OLA1: variants seen among roughly 807,000 people sequenced by gnomAD.
OLA1 encodes the protein Obg like ATPase 1, also known as obg-like ATPase 1.
Under a neutral mutation model 48.4 loss-of-function variants are expected in OLA1, and 14 were observed. The ratio of observed to expected loss-of-function variants is 0.29; its 90% CI spans 0.19 to 0.45. The LOEUF (loss-of-function observed/expected upper bound fraction) is 0.45, where lower values mean the gene tolerates loss of function less well. Ranked by LOEUF, OLA1 falls within the 20% of genes least tolerant of loss-of-function variation. The pLI, the probability that OLA1 is intolerant of heterozygous loss-of-function variation, is 1.00. For synonymous variants in OLA1, 127 were observed against 150.4 expected (o/e 0.84, Z 1.14); for missense variants, 325 against 467.1 (o/e 0.70, Z 2.80).
chr2:174,132,407 TC>T (rs1686204840), intron 5 of OLA1, among the ~76,000 whole-genome samples: 2 of 152,262 alleles, frequency 1.3e-5, no homozygotes, highest in Non-Finnish European at 2.9e-5. Flanking sequence ...CTTTTATTGT[TC>T]TTTTTCTAAC....
At chr2:174,171,591 C>T (rs1244612654) in intron 4 of OLA1, among the ~76,000 whole-genome samples, 1 of 152,106 alleles carries the variant, frequency 6.6e-6, no homozygotes, top group African/African-American at 2.4e-5. Context: ...AACCTATCAA[C>T]GTATGTGGGA....
At chr2:174,092,160 AAAAGG>A (rs1198041156) in intron 7 of OLA1, among the ~76,000 whole-genome samples, 1 of 151,506 alleles carries the variant, frequency 6.6e-6, no homozygotes, top group African/African-American at 2.4e-5. Context: ...AAGAAAAGAA[AAAAGG>A]AAAGGAGAGG....
intron 4 of OLA1, among the ~76,000 whole-genome samples, chr2:174,211,532 TATC>T (rs1688243797): frequency 6.6e-6 from 1 of 152,216 alleles, no homozygotes; most frequent in Non-Finnish European, 1.5e-5. Context: ...CATTTGTACA[TATC>T]ATATCCAAAA....
intron 4 of OLA1, among the ~76,000 whole-genome samples, chr2:174,214,243 G>T (rs1027987850): frequency 3.3e-5 from 5 of 152,146 alleles, no homozygotes; most frequent in African/African-American, 1.2e-4. Context: ...TAAGGCATGA[G>T]AATAGCTTGA....
chr2:174,168,097 C>T (rs547723959), intron 4 of OLA1, among the ~76,000 whole-genome samples: 3 of 152,300 alleles, frequency 2.0e-5, no homozygotes, highest in South Asian at 2.1e-4. Context: ...GCTTTTAGCT[C>T]GCAACCAAGT....
chr2:174,163,340 T>C (rs916877169), intron 4 of OLA1, among the ~76,000 whole-genome samples: 1 of 152,070 alleles, frequency 6.6e-6, no homozygotes, highest in Admixed American at 6.6e-5. Flanking sequence ...AAAAGACTGA[T>C]AGAACTTGAT....
chr2:174,081,811 C>A, intron 8 of OLA1, 113 bp downstream of exon 8: 1 of 1,018,606 alleles, frequency 9.8e-7, no homozygotes, highest in Non-Finnish European at 1.4e-6. Context: ...GAGAAGATTC[C>A]CTCTTTATAA....
intron 4 of OLA1, among the ~76,000 whole-genome samples, chr2:174,202,166 T>C (rs1226093570): frequency 2.6e-5 from 4 of 152,162 alleles, no homozygotes; most frequent in African/African-American, 9.6e-5. Flanking sequence ...ATAAAATATA[T>C]ATAAATTATA....
intron 2 of OLA1, among the ~76,000 whole-genome samples, chr2:174,244,163 G>A (rs1163303540): frequency 6.6e-6 from 1 of 152,098 alleles, no homozygotes; most frequent in Non-Finnish European, 1.5e-5. Context: ...TCTTTTTCCT[G>A]CTGAAAACAG....
At chr2:174,087,054 G>A (rs913030821) in intron 7 of OLA1, among the ~76,000 whole-genome samples, 1 of 147,306 alleles carries the variant, frequency 6.8e-6, no homozygotes, top group Non-Finnish European at 1.5e-5. Context: ...TTGAGACAAA[G>A]TCTCGCTCTG....
chr2:174,085,672 T>C (rs1684959197), intron 7 of OLA1, among the ~76,000 whole-genome samples: 1 of 152,334 alleles, frequency 6.6e-6, no homozygotes, highest in African/African-American at 2.4e-5. Flanking sequence ...TCTGACTTTC[T>C]TAGCCAGCCT....
chr2:174,185,514 AT>A (rs920822292), intron 4 of OLA1, among the ~76,000 whole-genome samples: 10 of 151,332 alleles, frequency 6.6e-5, no homozygotes, highest in East Asian at 1.9e-4. Flanking sequence ...TCCTATGAGC[AT>A]TTTTTTTTAT....
Position 174,073,514 on chromosome 2 carries a change from A to G in OLA1, c.*1912T>C, listed in dbSNP as rs1684654608. On this transcript the variant is annotated 3_prime_UTR_variant, in exon 11 of 11. Transcript: ENST00000284719. ...GTATATGTACATACAATGTTGTAGA[A>G]CTTCTAACCAAATTAAACATTTTTA... is the stretch of plus-strand genomic sequence containing the variant. 1 of 152,222 alleles carries G rather than the reference A, an allele frequency of 6.6e-6. No individual in the cohort carries two copies. The highest frequency in any genetic ancestry group is 1.5e-5 in the Non-Finnish European group (1 of 68,038). The allele number at this position is 152,222 out of a possible 1,614,324, so 9.4% of individuals were successfully genotyped here. A position where few individuals can be genotyped will look rare whatever the true frequency, so the allele number is the denominator to read the frequency against.
At chr2:174,216,650 T>A (rs1262906644) in intron 4 of OLA1, among the ~76,000 whole-genome samples, 1 of 152,090 alleles carries the variant, frequency 6.6e-6, no homozygotes, top group Non-Finnish European at 1.5e-5. Flanking sequence ...ACTCTTGGGC[T>A]CAAGCAATCC....
chr2:174,098,265 T>G (rs1306208682), intron 7 of OLA1, among the ~76,000 whole-genome samples: 1 of 152,242 alleles, frequency 6.6e-6, no homozygotes, highest in African/African-American at 2.4e-5. Flanking sequence ...GCAGTACGCA[T>G]GCAACCTGTG....
intron 4 of OLA1, among the ~76,000 whole-genome samples, chr2:174,168,215 G>A (rs1390794584): frequency 2.6e-5 from 4 of 152,164 alleles, no homozygotes; most frequent in Non-Finnish European, 5.9e-5. Context: ...AAAGGGAAGA[G>A]AAAGAGACAG....
chr2:174,124,589 T>C (rs1158760183), intron 5 of OLA1, among the ~76,000 whole-genome samples: 24 of 152,118 alleles, frequency 1.6e-4, no homozygotes, highest in Non-Finnish European at 4.4e-5. Flanking sequence ...GGCTCTGGGG[T>C]CTGAAAGGTC....
intron 4 of OLA1, among the ~76,000 whole-genome samples, chr2:174,146,986 A>C (rs1686616105): frequency 1.3e-5 from 2 of 152,200 alleles, no homozygotes; most frequent in African/African-American, 4.8e-5. Context: ...GGCATAAATA[A>C]ACACCAAAAT....
chr2:174,213,219 T>C (rs569238253), intron 4 of OLA1, among the ~76,000 whole-genome samples: 5 of 152,292 alleles, frequency 3.3e-5, no homozygotes, highest in South Asian at 2.1e-4. Flanking sequence ...CCTCCTACTA[T>C]ACGTTTCTAA....
Sources: allele counts gnomAD v4.1 joint callset (sites outside exome capture counted in the v4.1 genomes callset), GRCh38; gene constraint gnomAD v4.1.1; transcripts MANE v1.5; gene names NCBI Gene and HGNC (gene_info 2026-07-23, HGNC 2026-07-21).